The following IQGAP3 variants were observed in gnomAD, a reference collection of about 807,000 sequenced individuals.
The protein encoded by IQGAP3 is ras GTPase-activating-like protein IQGAP3.
In IQGAP3, 165 loss-of-function variants were observed where a neutral mutation model predicts 208.2. That is an observed-to-expected ratio of 0.79 (90% CI 0.70 to 0.90). The LOEUF is 0.90. Ranked by LOEUF, IQGAP3 falls within the 40% of genes least tolerant of loss-of-function variation. The pLI is 0.00. For synonymous variants in IQGAP3, 703 were observed against 803.6 expected (o/e 0.87, Z 2.12); for missense variants, 1,811 against 2,043.1 (o/e 0.89, Z 2.19).
intron 32 of IQGAP3, 97 bp from the exon 33 acceptor site, chr1:156,531,344 C>T (rs1206969208): frequency 2.3e-6 from 2 of 876,090 alleles, no homozygotes; most frequent in Non-Finnish European, 3.9e-6. Context: ...GGACCGTGCT[C>T]TATAGCATGG....
Position 156,563,786 on chromosome 1 carries a change from T to C in IQGAP3, c.476A>G (p.His159Arg). The change falls in exon 6 of 38, where the codon CAT becomes CGT. Residue 159 changes from histidine to arginine, a missense_variant. Coordinates refer to ENST00000361170, the MANE Select transcript of IQGAP3 (RefSeq NM_178229.5). ...LFRLGLAPQI[H>R]DLYGKVKFTA... ...GAATTTCACTTTCCCGTATAGATCA[T>C]GTATCTGAGGGGCCAATCCCAGCCG... The C allele has an allele frequency of 6.2e-7, 1 of 1,613,924 alleles. No individual in the cohort carries two copies. Among genetic ancestry groups the C allele is most frequent in the African/African-American group, 1.3e-5 (1 of 74,976 alleles).
At chr1:156,545,193 T>C (rs1675177753) in intron 19 of IQGAP3, among the ~76,000 whole-genome samples, 1 of 152,186 alleles carries the variant, frequency 6.6e-6, no homozygotes, top group Non-Finnish European at 1.5e-5. Flanking sequence ...AAATCATGCC[T>C]CCTTTGGTCT....
chr1:156,535,172 C>T lies in IQGAP3; in HGVS notation c.3498G>A (p.Glu1166=), dbSNP rs1294264605. Residue 1166 remains glutamate, a synonymous_variant, in exon 28 of 38, where the codon GAG becomes GAA. Transcript: ENST00000361170. The part of the protein sequence containing the change: ...AEKFPDATDS[E]VYKVVGNLLY... ...GGGAGACAACACTTGCCTTATAGAC[C>T]TCGCTGTCTGTGGCGTCAGGGAATT... 6 of 1,612,980 alleles carry T rather than the reference C, an allele frequency of 3.7e-6. No individual in the cohort carries two copies. The highest frequency in any genetic ancestry group is 5.1e-6 in the Non-Finnish European group (6 of 1,179,256).
chr1:156,543,834 C>T, intron 22 of IQGAP3, 147 bp downstream of exon 22: 1 of 709,092 alleles, frequency 1.4e-6, no homozygotes, highest in South Asian at 1.7e-5. Context: ...GCTTTTGTTA[C>T]AACTCCTGTT....
chr1:156,533,009 A>T lies in IQGAP3; in HGVS notation c.4074T>A (p.Asp1358Glu). The stretch of plus-strand genomic sequence containing the variant: ...GAAGCAGGCTACGGGTGTTGGAGTC[A>T]TCAGCATCTGCCTCTAGTCCTTCAA... ...NKFEGLEADA[D>E]DSNTRSLLLS... The change falls in exon 32 of 38, where the codon GAT becomes GAA. Residue 1358 changes from aspartate to glutamate, a missense_variant. Coordinates refer to ENST00000361170, the MANE Select transcript of IQGAP3 (RefSeq NM_178229.5). The T allele has an allele frequency of 6.2e-7, 1 of 1,614,140 alleles. No homozygotes were observed. Among genetic ancestry groups the T allele is most frequent in the East Asian group, 2.2e-5 (1 of 44,886 alleles).
intron 32 of IQGAP3, 83 bp downstream of exon 32, chr1:156,532,897 T>C: frequency 6.8e-7 from 1 of 1,481,162 alleles, no homozygotes; most frequent in Non-Finnish European, 9.3e-7. Flanking sequence ...GAAGGTGGAA[T>C]GGGCGCCTCA....
rs754383934 is a variant in IQGAP3 at position 156,535,247 on chromosome 1, C to T, written c.3423G>A (p.Pro1141=). 3.1e-6 allele frequency: 5 copies of T among 1,608,272 alleles called. No individual in the cohort carries two copies. Among genetic ancestry groups the T allele is most frequent in the South Asian group, 1.1e-5 (1 of 90,614 alleles). ...LAITSSVDQI[P]YGMRYVAKVL... ...CTTTGGCCACATATCGCATCCCATA[C>T]CTGGGGACAAAGAAACAGGTGCGCG... Residue 1141 remains proline, a splice_region_variant and synonymous_variant, in exon 28 of 38, where the codon CCG becomes CCA. Transcript: ENST00000361170.
At position 156,548,594 on chromosome 1, in the gene IQGAP3, C is replaced by G. The variant is rs768596195; in HGVS notation, c.1980G>C (p.Lys660Asn). 5.6e-6 allele frequency: 9 copies of G among 1,600,576 alleles called. No individual in the cohort carries two copies. The highest frequency in any genetic ancestry group is 7.7e-6 in the Non-Finnish European group (9 of 1,171,070). Residue 660 changes from lysine to asparagine, a missense_variant, in exon 17 of 38, where the codon AAG becomes AAC. Lys to Asn is a moderately conservative substitution (Grantham distance 94). Coordinates refer to ENST00000361170, the MANE Select transcript of IQGAP3 (RefSeq NM_178229.5). The stretch of plus-strand genomic sequence containing the variant: ...TGGGGCCATTACCTGGACGCTGTTT[C>G]TTTGCCATGGCACTTTCCAGGGCTC... Reference protein sequence around the residue: ...YQRALESAMAKKQRPADTAFW... With the variant: ...YQRALESAMANKQRPADTAFW...
At chr1:156,536,145 G>T (rs1375368972) in intron 27 of IQGAP3, among the ~76,000 whole-genome samples, 1 of 152,048 alleles carries the variant, frequency 6.6e-6, no homozygotes, top group Non-Finnish European at 1.5e-5. Flanking sequence ...TCTTAATCCG[G>T]TTCTCCAGGT....
intron 32 of IQGAP3, 141 bp from the exon 33 acceptor site, chr1:156,531,388 G>A (rs1383539823): frequency 3.0e-6 from 2 of 665,762 alleles, no homozygotes; most frequent in Non-Finnish European, 5.5e-6. Context: ...GCGAGGGATA[G>A]GGGATGTCGT....
chr1:156,572,137 G>T (rs555234679), intron 1 of IQGAP3, among the ~76,000 whole-genome samples: 2 of 152,212 alleles, frequency 1.3e-5, no homozygotes, highest in African/African-American at 4.8e-5. Context: ...CCCTTGAGGC[G>T]TCTTGTCCGG....
rs572269541 is a variant in IQGAP3 at position 156,548,048 on chromosome 1, G to C, written c.2304+25C>G. On this transcript the variant is annotated intron_variant, in intron 19 of 37. Transcript: ENST00000361170. The stretch of plus-strand genomic sequence containing the variant: ...AGCCCAGATAAGCCCAGGCCCTGAA[G>C]ACTGAGAAAGCCAGAGCCTGCCACC... The C allele has an allele frequency of 1.4e-4, 228 of 1,605,116 alleles. 1 individual carries two copies. The South Asian group carries it at 2.4e-3, about 17-fold the overall frequency.
At chr1:156,559,119 T>TAAAA (rs1184386504) in intron 11 of IQGAP3, among the ~76,000 whole-genome samples, 1 of 812 alleles carries the variant, frequency 1.2e-3, no homozygotes, top group African/African-American at 1.3e-3. Flanking sequence ...GAATGATCAA[T>TAAAA]AAAAAAAAAA....
At chr1:156,564,545 G>A (rs1015127622) in intron 5 of IQGAP3, 70 bp downstream of exon 5, 2 of 994,574 alleles carry the variant, frequency 2.0e-6, no homozygotes, top group Non-Finnish European at 3.3e-6. Context: ...TTCTTGCTGA[G>A]TTTGTTGTTG....
At chr1:156,552,219 C>T in intron 13 of IQGAP3, 124 bp from the exon 14 acceptor site, 1 of 1,205,488 alleles carries the variant, frequency 8.3e-7, no homozygotes, top group East Asian at 2.6e-5. Flanking sequence ...TAGTTCTCTT[C>T]TTGCCTCACA....
chr1:156,538,854 T>C lies in IQGAP3; in HGVS notation c.3236A>G (p.Tyr1079Cys), dbSNP rs369323398. The C allele has an allele frequency of 1.9e-6, 3 of 1,614,190 alleles. No homozygotes were observed. Among genetic ancestry groups the C allele is most frequent in the Non-Finnish European group, 2.5e-6 (3 of 1,180,034 alleles). The change falls in exon 26 of 38, where the codon TAT (tyrosine) becomes TGT (cysteine). Residue 1079 changes from tyrosine (Y) to cysteine (C), a missense_variant. Transcript: ENST00000361170. ...CTCAGTCTGGTTGATCCAGTTCTTATAGAGGTGGACAGGGTCTGTGTGGAC... is the reference window on the plus strand; with the variant it reads ...CTCAGTCTGGTTGATCCAGTTCTTACAGAGGTGGACAGGGTCTGTGTGGAC... Reference protein sequence around the residue: ...LSVHTDPVHLYKNWINQTEAQ... With the variant: ...LSVHTDPVHLCKNWINQTEAQ...
chr1:156,533,142 T>TAC (rs776200999), intron 31 of IQGAP3, 36 bp from the exon 32 acceptor site: 3 of 1,611,594 alleles, frequency 1.9e-6, no homozygotes, highest in Non-Finnish European at 2.5e-6. Flanking sequence ...GAGACAGGCA[T>TAC]ACACACACAC....
At chr1:156,560,871 G>T in intron 11 of IQGAP3, 63 bp downstream of exon 11, 2 of 1,158,842 alleles carry the variant, frequency 1.7e-6, no homozygotes, top group Non-Finnish European at 1.3e-6. Context: ...GCAAAGAGGT[G>T]GGATACTCTT....
At chr1:156,526,956 C>T (rs1359254516) in intron 37 of IQGAP3, among the ~76,000 whole-genome samples, 7 of 151,974 alleles carry the variant, frequency 4.6e-5, no homozygotes, top group South Asian at 2.1e-4. Context: ...CTTCAGCCTC[C>T]TGAGTAGCTG....
Sources: gnomAD v4.1 joint callset for allele counts (sites outside exome capture counted in the v4.1 genomes callset) on GRCh38, gnomAD v4.1.1 for gene constraint, MANE v1.5 for transcripts, NCBI Gene and HGNC (gene_info 2026-07-23, HGNC 2026-07-21) for gene names.